ADARB2: variants seen among roughly 807,000 people sequenced by gnomAD.
ADARB2 encodes adenosine deaminase RNA specific B2 (inactive).
Under a neutral mutation model 62.2 loss-of-function variants are expected in ADARB2, and 25 were observed. The observed-to-expected ratio is 0.40, with a 90% confidence interval of 0.29 to 0.56. The LOEUF is 0.56. Ranked by LOEUF, ADARB2 falls within the 20% of genes least tolerant of loss-of-function variation. The pLI, the probability that ADARB2 is intolerant of heterozygous loss-of-function variation, is 0.43. For synonymous variants in ADARB2, 572 were observed against 500.8 expected, an observed-to-expected ratio of 1.14 and a Z score of -1.90; for missense variants, 1,071 against 1,077.4, an observed-to-expected ratio of 0.99 and a Z score of 0.08.
intron 1 of ADARB2, among the ~76,000 whole-genome samples, chr10:1,464,566 C>A (rs112793373): frequency 1.5e-5 from 1 of 67,804 alleles, no homozygotes; most frequent in African/African-American, 4.9e-5. Flanking sequence ...GCAGTCACAG[C>A]GGGCAGTGCA....
intron 1 of ADARB2, among the ~76,000 whole-genome samples, chr10:1,659,289 A>G (rs896878989): frequency 1.3e-5 from 2 of 152,208 alleles, no homozygotes; most frequent in Non-Finnish European, 2.9e-5. Context: ...CCTGCTAAAT[A>G]AACGGGGATG....
chr10:1,328,434 G>A (rs957553880), intron 3 of ADARB2, among the ~76,000 whole-genome samples: 16 of 152,330 alleles, frequency 1.1e-4, no homozygotes, highest in African/African-American at 3.6e-4. Flanking sequence ...ACGCCAATGT[G>A]ATGAAATGAG....
At chr10:1,373,832 C>T (rs1044343827) in intron 2 of ADARB2, among the ~76,000 whole-genome samples, 94 of 147,270 alleles carry the variant, frequency 6.4e-4, no homozygotes, top group African/African-American at 1.9e-3. Context: ...TCCGCGCACC[C>T]TTCCTAGTGA....
At chr10:1,583,359 C>A (rs1833132417) in intron 1 of ADARB2, among the ~76,000 whole-genome samples, 1 of 152,180 alleles carries the variant, frequency 6.6e-6, no homozygotes, top group Non-Finnish European at 1.5e-5. Context: ...TTACAGATAG[C>A]TTTCAAGTCT....
chr10:1,705,382 G>A (rs1834875977), intron 1 of ADARB2, among the ~76,000 whole-genome samples: 1 of 152,174 alleles, frequency 6.6e-6, no homozygotes, highest in South Asian at 2.1e-4. Flanking sequence ...TGGCACCAGG[G>A]GTCCTGGGGG....
intron 1 of ADARB2, among the ~76,000 whole-genome samples, chr10:1,429,656 A>G (rs1830759050): frequency 6.6e-6 from 1 of 152,124 alleles, no homozygotes; most frequent in Non-Finnish European, 1.5e-5. Context: ...TATTCTGCTG[A>G]TATGTTTGCT....
intron 1 of ADARB2, among the ~76,000 whole-genome samples, chr10:1,630,983 AC>A (rs1833835344): frequency 6.6e-6 from 1 of 151,844 alleles, no homozygotes; most frequent in Non-Finnish European, 1.5e-5. Flanking sequence ...AAACAAACAA[AC>A]AAACAAACAA....
At chr10:1,487,075 A>C (rs1831552682) in intron 1 of ADARB2, among the ~76,000 whole-genome samples, 1 of 152,254 alleles carries the variant, frequency 6.6e-6, no homozygotes, top group South Asian at 2.1e-4. Flanking sequence ...AGAGAGGCTC[A>C]TCAGCTGCAC....
At chr10:1,612,696 T>C (rs1418616528) in intron 1 of ADARB2, among the ~76,000 whole-genome samples, 1 of 152,248 alleles carries the variant, frequency 6.6e-6, no homozygotes, top group Middle Eastern at 3.2e-3. Flanking sequence ...ACTATGGCCC[T>C]TGAGCTGGAT....
At chr10:1,531,975 C>CA (rs1174848596) in intron 1 of ADARB2, among the ~76,000 whole-genome samples, 2 of 152,072 alleles carry the variant, frequency 1.3e-5, no homozygotes, top group East Asian at 1.9e-4. Context: ...GTGTTGTTTT[C>CA]AAAAAAACAC....
At chr10:1,217,858 G>A (rs978346274) in intron 6 of ADARB2, among the ~76,000 whole-genome samples, 4 of 151,996 alleles carry the variant, frequency 2.6e-5, no homozygotes, top group African/African-American at 4.8e-5. Flanking sequence ...CAGGAGCTCC[G>A]CCAGGCCCAG....
chr10:1,561,710 G>C (rs571677159), intron 1 of ADARB2, among the ~76,000 whole-genome samples: 8 of 152,156 alleles, frequency 5.3e-5, no homozygotes, highest in Non-Finnish European at 8.8e-5. Flanking sequence ...CTCATGCACC[G>C]TACCCTAGAA....
At chr10:1,507,236 G>T (rs373346444) in intron 1 of ADARB2, among the ~76,000 whole-genome samples, 1 of 152,242 alleles carries the variant, frequency 6.6e-6, no homozygotes, top group East Asian at 1.9e-4. Context: ...CTGCTACAGA[G>T]GAAGGAAACA....
At chr10:1,399,396 G>A (rs564483152) in intron 1 of ADARB2, among the ~76,000 whole-genome samples, 19 of 152,212 alleles carry the variant, frequency 1.2e-4, no homozygotes, top group African/African-American at 3.6e-4. Flanking sequence ...GTGGGCACTG[G>A]TCAAATGACA....
intron 1 of ADARB2, among the ~76,000 whole-genome samples, chr10:1,718,987 G>GTTT (rs1302440089): frequency 4.6e-5 from 7 of 151,926 alleles, no homozygotes; most frequent in African/African-American, 1.2e-4. Context: ...TGTTGTTGTT[G>GTTT]TTGTTGTTTT....
chr10:1,720,767 C>A (rs542966778), intron 1 of ADARB2, among the ~76,000 whole-genome samples: 1 of 152,106 alleles, frequency 6.6e-6, no homozygotes, highest in Non-Finnish European at 1.5e-5. Flanking sequence ...TTTGGAGGAG[C>A]AGGAAGCTCA....
chr10:1,468,688 C>T (rs1042479595), intron 1 of ADARB2, among the ~76,000 whole-genome samples: 2 of 152,230 alleles, frequency 1.3e-5, no homozygotes, highest in Non-Finnish European at 2.9e-5. Context: ...CCAACCCATT[C>T]TGGTCCAAGG....
At chr10:1,253,779 G>A (rs935221759) in intron 4 of ADARB2, among the ~76,000 whole-genome samples, 4 of 152,212 alleles carry the variant, frequency 2.6e-5, no homozygotes, top group East Asian at 1.9e-4. Context: ...TGGACTAGAA[G>A]GTGTGTAACC....
At chr10:1,452,192 C>T (rs1161808983) in intron 1 of ADARB2, among the ~76,000 whole-genome samples, 4 of 152,242 alleles carry the variant, frequency 2.6e-5, no homozygotes, top group South Asian at 2.1e-4. Context: ...TTTCCAGCTG[C>T]GGGAATTCAG....
Sources: gnomAD v4.1 joint callset for allele counts (sites outside exome capture counted in the v4.1 genomes callset) on GRCh38, gnomAD v4.1.1 for gene constraint, MANE v1.5 for transcripts, NCBI Gene and HGNC (gene_info 2026-07-23, HGNC 2026-07-21) for gene names.